The following CHSY1 variants were observed in gnomAD, a reference collection of about 807,000 sequenced individuals.
CHSY1 encodes N-acetylgalactosaminyl-proteoglycan 3-beta-glucuronosyltransferase 1.
A neutral mutation model predicts 59.8 loss-of-function variants in CHSY1; 13 were observed. The observed-to-expected ratio is 0.22, with a 90% CI of 0.14 to 0.35. The LOEUF is 0.35. Ranked by LOEUF, CHSY1 falls within the 10% of genes least tolerant of loss-of-function variation. CHSY1 has a pLI of 1.00. For synonymous variants in CHSY1, 459 were observed against 401.2 expected, an observed-to-expected ratio of 1.14 and a Z score of -1.72; for missense variants, 947 against 1,030.6, an observed-to-expected ratio of 0.92 and a Z score of 1.11.
At chr15:101,189,549 A>G (rs1165140922) in intron 2 of CHSY1, 1 of 836,420 alleles carries the variant, frequency 1.2e-6, no homozygotes. Context: ...TGTCAAGTCT[A>G]ACTGAAGTGC....
Position 101,201,341 on chromosome 15 carries a change from G to T in CHSY1, c.817-22361C>A, listed in dbSNP as rs114858932. On this transcript the variant is annotated intron_variant, in intron 2 of 2. Transcript: ENST00000254190. ...TTACTCCCCCGACCCTCAGCCTTCCGTGAATATCAACGTTAAGGCATCCTG... is the reference window on the plus strand; with the variant it reads ...TTACTCCCCCGACCCTCAGCCTTCCTTGAATATCAACGTTAAGGCATCCTG... 3.5e-3 allele frequency among the ~76,000 whole-genome samples: 537 copies of T among 152,288 alleles called. 3 individuals are homozygous for T. The highest frequency in any genetic ancestry group is 0.012 in the African/African-American group (503 of 41,554).
intron 2 of CHSY1, among the ~76,000 whole-genome samples, chr15:101,226,155 T>C (rs923141314): frequency 1.3e-5 from 2 of 152,244 alleles, no homozygotes; most frequent in Non-Finnish European, 2.9e-5. Context: ...GACTACAATG[T>C]TACTACAAAG....
At chr15:101,217,656 GACAAAGGTGGA>G (rs2038748212) in intron 2 of CHSY1, among the ~76,000 whole-genome samples, 2 of 152,140 alleles carry the variant, frequency 1.3e-5, no homozygotes, top group African/African-American at 4.8e-5. Flanking sequence ...GCACCCAGTG[GACAAAGGTGGA>G]ACAAGTTTAG....
Position 101,191,919 on chromosome 15 carries a change from T to A in CHSY1, c.817-12939A>T, listed in dbSNP as rs553644960. Among the ~76,000 whole-genome samples, 5 of 151,698 alleles carry A rather than the reference T, an allele frequency of 3.3e-5. No homozygotes were observed. The East Asian group carries it at 5.8e-4, about 18-fold the overall frequency. On this transcript the variant is annotated intron_variant, in intron 2 of 2. Transcript: ENST00000254190. ...CACTGCTCTAAGCAAAAAAAAAAAA[T>A]TTACAGAAATATATAAAATACACTA...
chr15:101,204,545 T>C (rs1243176703), intron 2 of CHSY1, among the ~76,000 whole-genome samples: 5 of 151,858 alleles, frequency 3.3e-5, no homozygotes, highest in Admixed American at 1.3e-4. Context: ...GAAAGACTTA[T>C]AGGAGTTTTC....
intron 2 of CHSY1, among the ~76,000 whole-genome samples, chr15:101,221,920 G>C (rs1213006259): frequency 6.6e-6 from 1 of 151,864 alleles, no homozygotes; most frequent in East Asian, 1.9e-4. Flanking sequence ...TTCAATGAGA[G>C]AAAACACAGA....
rs1259451647 is a variant in CHSY1, at chr15:101,210,240, T to C, written c.816+24842A>G. On this transcript the variant is annotated intron_variant, in intron 2 of 2. Coordinates refer to ENST00000254190, the MANE Select transcript of CHSY1 (RefSeq NM_014918.5). ...GGCCACAGGGAGTTAGTAAGGCCTA[T>C]TATAGCCACAATTCTGCATAATGTG... Among the ~76,000 whole-genome samples, 3 of 152,342 alleles carry C rather than the reference T, an allele frequency of 2.0e-5. No individual in the cohort carries two copies. The East Asian group carries it at 5.8e-4, about 29-fold the overall frequency.
rs2038748416 is a variant in CHSY1, at chr15:101,217,682, A to G, written c.816+17400T>C. On this transcript the variant is annotated intron_variant, in intron 2 of 2. Coordinates refer to ENST00000254190, the MANE Select transcript of CHSY1 (RefSeq NM_014918.5). ...ACAAAGGTGGAACAAGTTTAGCAACAAAATAAAAGCGTATATAATCCAAAA... is the reference window on the plus strand; with the variant it reads ...ACAAAGGTGGAACAAGTTTAGCAACGAAATAAAAGCGTATATAATCCAAAA... Among the ~76,000 whole-genome samples the G allele has an allele frequency of 6.6e-5, 10 of 152,348 alleles. No individual in the cohort carries two copies. In the South Asian group the frequency reaches 1.9e-3, roughly 28 times the overall value.
At chr15:101,220,311 C>G (rs2038776148) in intron 2 of CHSY1, among the ~76,000 whole-genome samples, 1 of 152,150 alleles carries the variant, frequency 6.6e-6, no homozygotes, top group African/African-American at 2.4e-5. Context: ...CTGCCTCTAT[C>G]TCCCTAACTG....
rs560176229 is a variant in CHSY1, at chr15:101,208,439, A to G, written c.816+26643T>C. On this transcript the variant is annotated intron_variant, in intron 2 of 2. Transcript: ENST00000254190. ...ATCAAAAAGATACAGAAGGCCAGTC[A>G]TGGTGCCTCATGCCTGGAATCCCAG... 2.6e-5 allele frequency among the ~76,000 whole-genome samples: 4 copies of G among 152,332 alleles called. No individual in the cohort carries two copies. In the South Asian group the frequency reaches 8.3e-4, roughly 32 times the overall value.
At chr15:101,182,429 C>T (rs1312333313) in intron 2 of CHSY1, among the ~76,000 whole-genome samples, 1 of 152,210 alleles carries the variant, frequency 6.6e-6, no homozygotes, top group Non-Finnish European at 1.5e-5. Flanking sequence ...GAAGTCACTA[C>T]AGGAGTAGAG....
Position 101,177,305 on chromosome 15 carries a change from C to A in CHSY1, c.*83G>T. ...CACTTGTAAAATATATCCTTGTATA[C>A]GGACTTCAAAAACTGATCATACAAA... On this transcript the variant is annotated 3_prime_UTR_variant, in exon 3 of 3. Transcript: ENST00000254190. 3 of 1,319,566 alleles carry A rather than the reference C, an allele frequency of 2.3e-6. No homozygotes were observed. The highest frequency in any genetic ancestry group is 3.2e-6 in the Non-Finnish European group (3 of 951,864). The allele number at this position is 1,319,566 out of a possible 1,614,324, so 81.7% of individuals were successfully genotyped here.
rs7175303 is a variant in CHSY1 at position 101,251,400 on chromosome 15, G to A, written c.57C>T (p.Gly19=). 185,764 of 1,161,700 alleles carry A rather than the reference G, an allele frequency of 0.16. 17,740 individuals carry two copies. The highest frequency in any genetic ancestry group is 0.43 in the African/African-American group (25,721 of 59,944). The allele number at this position is 1,161,700 out of a possible 1,614,324, so 72.0% of individuals were successfully genotyped here. Reference sequence around the variant, plus strand: ...GGACGAGCCGCGAGGCCAGCACGAAGCCCAGGACGAGCCCGAGCAGCACGC... The same window carrying A: ...GGACGAGCCGCGAGGCCAGCACGAAACCCAGGACGAGCCCGAGCAGCACGC... ...WLSVLLGLVL[G]FVLASRLVLP... The change falls in exon 1 of 3, where the codon GGC becomes GGT. Residue 19 remains glycine, a synonymous_variant. Transcript: ENST00000254190.
At chr15:101,209,299 G>A (rs2038659540) in intron 2 of CHSY1, among the ~76,000 whole-genome samples, 1 of 152,138 alleles carries the variant, frequency 6.6e-6, no homozygotes, top group Admixed American at 6.5e-5. Context: ...CATTCCACTG[G>A]TCTGTAAGCT....
chr15:101,213,744 C>T (rs892441141), intron 2 of CHSY1, among the ~76,000 whole-genome samples: 3 of 152,180 alleles, frequency 2.0e-5, no homozygotes, highest in Non-Finnish European at 2.9e-5. Context: ...TGTGATTAAT[C>T]ACACCTTGAA....
intron 2 of CHSY1, among the ~76,000 whole-genome samples, chr15:101,219,708 G>GA: frequency 6.6e-6 from 1 of 152,192 alleles, no homozygotes. Context: ...CATCAGCAGA[G>GA]AAAAAAGTTT....
At chr15:101,221,329 TAAC>T (rs1038992061) in intron 2 of CHSY1, among the ~76,000 whole-genome samples, 8 of 152,130 alleles carry the variant, frequency 5.3e-5, no homozygotes, top group African/African-American at 1.4e-4. Context: ...TCCTCTCTAC[TAAC>T]AACAACAACA....
At chr15:101,230,507 T>C (rs188728403) in intron 2 of CHSY1, among the ~76,000 whole-genome samples, 36 of 152,314 alleles carry the variant, frequency 2.4e-4, no homozygotes, top group African/African-American at 8.7e-4. Flanking sequence ...CATGAATACA[T>C]TAAACCATAC....
At chr15:101,210,820 A>G (rs2038674813) in intron 2 of CHSY1, among the ~76,000 whole-genome samples, 1 of 152,218 alleles carries the variant, frequency 6.6e-6, no homozygotes, top group East Asian at 1.9e-4. Flanking sequence ...AAAAGCTACT[A>G]AACATGCCAG....
Sources: gnomAD v4.1 joint callset for allele counts (sites outside exome capture counted in the v4.1 genomes callset) on GRCh38, gnomAD v4.1.1 for gene constraint, MANE v1.5 for transcripts, NCBI Gene and HGNC (gene_info 2026-07-23, HGNC 2026-07-21) for gene names.